The following NAALADL2 variants were observed in gnomAD, a reference collection of about 807,000 sequenced individuals.
NAALADL2 encodes N-acetylated alpha-linked acidic dipeptidase like 2.
NAALADL2 carries 76 observed loss-of-function variants against 87.2 expected under a neutral mutation model. The observed-to-expected ratio is 0.87, with a 90% confidence interval of 0.72 to 1.05. The LOEUF is 1.05. NAALADL2 is among the 50% of genes least tolerant of loss of function. The probability of loss-of-function intolerance (pLI) is 0.00; values close to 1 mark genes in which losing one functional copy is unlikely to be tolerated. For missense variants in NAALADL2, 1,089 were observed against 945.8 expected, an observed-to-expected ratio of 1.15 and a Z score of -1.99; for synonymous variants, 354 against 331.0, an observed-to-expected ratio of 1.07 and a Z score of -0.75.
intron 11 of NAALADL2, among the ~76,000 whole-genome samples, chr3:175,670,090 A>G (rs768085606): frequency 6.6e-6 from 1 of 151,998 alleles, no homozygotes; most frequent in African/African-American, 2.4e-5. Flanking sequence ...AACTTTATGA[A>G]GTGAGATCTA....
intron 2 of NAALADL2, among the ~76,000 whole-genome samples, chr3:174,656,022 G>A (rs1052541652): frequency 6.6e-5 from 10 of 152,144 alleles, no homozygotes; most frequent in Admixed American, 6.5e-4. Context: ...TACACATGCC[G>A]AGTTTAATAT....
intron 2 of NAALADL2, among the ~76,000 whole-genome samples, chr3:175,139,059 C>T (rs1350597000): frequency 6.6e-6 from 1 of 150,590 alleles, no homozygotes; most frequent in Non-Finnish European, 1.5e-5. Flanking sequence ...ATTTTTCTGT[C>T]CAATGTTATA....
At chr3:175,157,163 A>G (rs1015827078) in intron 2 of NAALADL2, among the ~76,000 whole-genome samples, 7 of 152,134 alleles carry the variant, frequency 4.6e-5, no homozygotes, top group Non-Finnish European at 7.4e-5. Flanking sequence ...AATTGAACAT[A>G]CTTATATTAA....
intron 2 of NAALADL2, among the ~76,000 whole-genome samples, chr3:174,655,559 A>G (rs1168691192): frequency 2.6e-5 from 4 of 152,228 alleles, no homozygotes; most frequent in Non-Finnish European, 4.4e-5. Flanking sequence ...ATAATGAAGC[A>G]CTTCAATAAA....
At chr3:174,941,396 G>A (rs759358757) in intron 1 of NAALADL2, among the ~76,000 whole-genome samples, 3 of 152,104 alleles carry the variant, frequency 2.0e-5, no homozygotes, top group Non-Finnish European at 4.4e-5. Context: ...TACATTTGCT[G>A]TGGATTGTTT....
intron 9 of NAALADL2, among the ~76,000 whole-genome samples, chr3:175,520,152 A>C (rs972759244): frequency 2.0e-5 from 3 of 152,220 alleles, no homozygotes; most frequent in Non-Finnish European, 4.4e-5. Flanking sequence ...ATGCTACATA[A>C]GTGTTAATAG....
intron 1 of NAALADL2, among the ~76,000 whole-genome samples, chr3:174,471,824 T>G (rs1399798): frequency 0.42 from 63,948 of 151,748 alleles, 14,527 homozygotes; most frequent in East Asian, 0.88. Flanking sequence ...GTTCAATGAG[T>G]GTTGGCTATT....
chr3:175,499,173 T>C (rs1426716906), intron 9 of NAALADL2, among the ~76,000 whole-genome samples: 1 of 152,124 alleles, frequency 6.6e-6, no homozygotes, highest in Admixed American at 6.6e-5. Flanking sequence ...GATAGATTTG[T>C]TAATATTCAA....
chr3:174,678,859 G>A (rs955287397), intron 2 of NAALADL2, among the ~76,000 whole-genome samples: 1 of 152,132 alleles, frequency 6.6e-6, no homozygotes, highest in Admixed American at 6.6e-5. Flanking sequence ...AATCACAGAC[G>A]TTGGTCAATT....
intron 12 of NAALADL2, among the ~76,000 whole-genome samples, chr3:175,738,747 CTA>C (rs1249388170): frequency 5.9e-5 from 9 of 152,090 alleles, no homozygotes; most frequent in Admixed American, 2.6e-4. Context: ...AAGTTAGTCT[CTA>C]TATAGTTTCC....
chr3:174,966,828 A>G (rs1053102129), intron 1 of NAALADL2, among the ~76,000 whole-genome samples: 1 of 152,192 alleles, frequency 6.6e-6, no homozygotes, highest in Non-Finnish European at 1.5e-5. Flanking sequence ...TCAAGTATTG[A>G]TTGTAGGTAT....
chr3:175,792,056 T>TACCA (rs1310264172), intron 13 of NAALADL2, among the ~76,000 whole-genome samples: 2 of 152,200 alleles, frequency 1.3e-5, no homozygotes, highest in Non-Finnish European at 2.9e-5. Context: ...AATGAGATGA[T>TACCA]TTTACTTTTT....
intron 1 of NAALADL2, among the ~76,000 whole-genome samples, chr3:174,491,651 A>G (rs978528124): frequency 2.0e-5 from 3 of 152,218 alleles, no homozygotes; most frequent in Non-Finnish European, 2.9e-5. Flanking sequence ...GTCTTAAATT[A>G]TCTTCTGAAA....
At chr3:174,796,025 G>A (rs923938212) in intron 3 of NAALADL2, among the ~76,000 whole-genome samples, 2 of 152,164 alleles carry the variant, frequency 1.3e-5, no homozygotes, top group Non-Finnish European at 2.9e-5. Context: ...GATGGAGACA[G>A]GGCCTTTAAA....
intron 1 of NAALADL2, among the ~76,000 whole-genome samples, chr3:174,883,040 C>G (rs1425982753): frequency 6.6e-6 from 1 of 151,918 alleles, no homozygotes; most frequent in East Asian, 1.9e-4. Context: ...AACTGAAGAA[C>G]TTGGAGTCCG....
intron 11 of NAALADL2, among the ~76,000 whole-genome samples, chr3:175,704,725 G>A (rs1248035066): frequency 6.6e-6 from 1 of 152,094 alleles, no homozygotes; most frequent in Non-Finnish European, 1.5e-5. Context: ...TGACTTTAAA[G>A]ATTCTCAAGC....
At chr3:175,552,397 A>G (rs1419435396) in intron 9 of NAALADL2, among the ~76,000 whole-genome samples, 4 of 152,192 alleles carry the variant, frequency 2.6e-5, no homozygotes, top group African/African-American at 9.6e-5. Context: ...GGAAATTTTT[A>G]GTAGTTTGCA....
chr3:175,239,626 C>T (rs1037366462), intron 3 of NAALADL2, among the ~76,000 whole-genome samples: 1 of 152,048 alleles, frequency 6.6e-6, no homozygotes, highest in African/African-American at 2.4e-5. Flanking sequence ...AAAGATAAGC[C>T]AAGTAATGCA....
intron 2 of NAALADL2, among the ~76,000 whole-genome samples, chr3:174,701,327 G>C (rs767348892): frequency 1.3e-5 from 2 of 151,762 alleles, no homozygotes; most frequent in African/African-American, 2.4e-5. Flanking sequence ...TGCCAGAGAA[G>C]GGAAGGGGTG....
Sources: gnomAD v4.1 joint callset for allele counts (sites outside exome capture counted in the v4.1 genomes callset) on GRCh38, gnomAD v4.1.1 for gene constraint, MANE v1.5 for transcripts, NCBI Gene and HGNC (gene_info 2026-07-23, HGNC 2026-07-21) for gene names.